The following FER variants were observed in gnomAD, a reference collection of about 807,000 sequenced individuals.
FER encodes tyrosine-protein kinase Fer.
Under a neutral mutation model 111.0 loss-of-function variants are expected in FER, and 63 were observed. The observed-to-expected ratio is 0.57, with a 90% confidence interval of 0.46 to 0.70. The LOEUF is 0.70. Among genes scored for constraint, FER ranks in the 30% least tolerant of loss-of-function variants. The probability of loss-of-function intolerance (pLI) is 0.00; values close to 1 mark genes in which losing one functional copy is unlikely to be tolerated. For synonymous variants in FER, 327 were observed against 313.9 expected (o/e 1.04, Z -0.44); for missense variants, 914 against 954.0 (o/e 0.96, Z 0.55).
intron 17 of FER, among the ~76,000 whole-genome samples, chr5:109,133,055 G>T (rs1752531170): frequency 6.6e-6 from 1 of 152,174 alleles, no homozygotes; most frequent in African/African-American, 2.4e-5. Flanking sequence ...GATGTTCATA[G>T]TATTTAAGTT....
chr5:108,803,649 T>G (rs2150058491), intron 3 of FER, among the ~76,000 whole-genome samples: 1 of 152,172 alleles, frequency 6.6e-6, no homozygotes, highest in South Asian at 2.1e-4. Context: ...TTTGCATTTT[T>G]TTTTTTTAAT....
intron 17 of FER, among the ~76,000 whole-genome samples, chr5:109,104,387 G>T (rs1222323825): frequency 6.6e-6 from 1 of 152,298 alleles, no homozygotes; most frequent in East Asian, 1.9e-4. Context: ...AATGCAAAGA[G>T]ATAGTCAATT....
chr5:108,897,656 T>C lies in FER; in HGVS notation c.1047-3T>C. 2.5e-6 allele frequency: 4 copies of C among 1,574,770 alleles called. No homozygotes were observed. Among genetic ancestry groups the C allele is most frequent in the Non-Finnish European group, 3.4e-6 (4 of 1,164,680 alleles). ...GAAATCATTTATATTTATTCTCTTT[T>C]AGTATTGTGCTTCTGCTAAGCCAAA... On this transcript the variant is annotated splice_polypyrimidine_tract_variant and splice_region_variant and intron_variant, in intron 9 of 19. Transcript: ENST00000281092.
intron 13 of FER, among the ~76,000 whole-genome samples, chr5:109,019,691 A>T (rs563902722): frequency 2.0e-5 from 3 of 151,906 alleles, no homozygotes; most frequent in South Asian, 2.1e-4. Flanking sequence ...AACAATTGTA[A>T]TAACTTTATA....
intron 11 of FER, among the ~76,000 whole-genome samples, chr5:108,954,010 AG>A (rs1758105302): frequency 6.6e-6 from 1 of 152,132 alleles, no homozygotes; most frequent in African/African-American, 2.4e-5. Flanking sequence ...ACTTGGTGTT[AG>A]CATTTGGCCT....
chr5:108,849,882 G>A (rs1487321218), intron 5 of FER, among the ~76,000 whole-genome samples: 2 of 152,090 alleles, frequency 1.3e-5, no homozygotes, highest in African/African-American at 4.8e-5. Flanking sequence ...TTTGTGAAAT[G>A]ATGGAAGTTT....
chr5:108,859,515 G>C (rs1003530595), intron 5 of FER, among the ~76,000 whole-genome samples: 6 of 152,246 alleles, frequency 3.9e-5, no homozygotes, highest in African/African-American at 1.2e-4. Context: ...TATGCTGAGG[G>C]TATGAGTTAT....
chr5:109,124,528 A>G (rs1751415546), intron 17 of FER, among the ~76,000 whole-genome samples: 1 of 152,152 alleles, frequency 6.6e-6, no homozygotes, highest in Non-Finnish European at 1.5e-5. Context: ...TTGAAGCATA[A>G]TATCTGCCAG....
At chr5:109,149,548 G>T (rs1192180296) in intron 17 of FER, among the ~76,000 whole-genome samples, 3 of 152,126 alleles carry the variant, frequency 2.0e-5, no homozygotes, top group Non-Finnish European at 2.9e-5. Flanking sequence ...ATCTAGTTTT[G>T]TATACCTACA....
intron 10 of FER, among the ~76,000 whole-genome samples, chr5:108,943,157 A>T (rs1483425246): frequency 6.6e-6 from 1 of 152,070 alleles, no homozygotes; most frequent in Admixed American, 6.6e-5. Context: ...GCGAACTGTG[A>T]CTAACTGCTC....
chr5:109,028,644 A>C (rs997344556), intron 13 of FER, among the ~76,000 whole-genome samples: 2 of 152,206 alleles, frequency 1.3e-5, no homozygotes, highest in Admixed American at 1.3e-4. Context: ...CCCCAAGTTC[A>C]GTGATCCACT....
intron 1 of FER, among the ~76,000 whole-genome samples, chr5:108,753,735 C>T (rs1231762367): frequency 6.6e-6 from 1 of 151,964 alleles, no homozygotes; most frequent in East Asian, 1.9e-4. Context: ...TACAGATATC[C>T]CTGTTTCAGA....
At chr5:108,836,107 A>G (rs921482788) in intron 5 of FER, among the ~76,000 whole-genome samples, 1 of 152,082 alleles carries the variant, frequency 6.6e-6, no homozygotes, top group African/African-American at 2.4e-5. Flanking sequence ...ATTTAATTAC[A>G]GAGTGCTTAA....
chr5:108,858,816 A>G (rs1173050233), intron 5 of FER, among the ~76,000 whole-genome samples: 1 of 103,052 alleles, frequency 9.7e-6, no homozygotes, highest in Non-Finnish European at 2.0e-5. Flanking sequence ...TCGTTTTTTC[A>G]TTCGTTTCAA....
chr5:109,164,354 G>T (rs902697104), intron 17 of FER, among the ~76,000 whole-genome samples: 3 of 152,140 alleles, frequency 2.0e-5, no homozygotes, highest in Non-Finnish European at 2.9e-5. Flanking sequence ...ATAGTCCAAG[G>T]TGGCCTCCAT....
intron 11 of FER, among the ~76,000 whole-genome samples, chr5:108,947,060 T>C (rs1010809067): frequency 1.3e-5 from 2 of 152,084 alleles, no homozygotes; most frequent in Non-Finnish European, 2.9e-5. Flanking sequence ...TACTCCATTG[T>C]ATATATTTAC....
chr5:108,798,853 T>G (rs1220630678), intron 3 of FER, among the ~76,000 whole-genome samples: 1 of 152,134 alleles, frequency 6.6e-6, no homozygotes, highest in Non-Finnish European at 1.5e-5. Context: ...TCCCTAATTT[T>G]TTGTGCCTCT....
chr5:108,769,505 T>C (rs1016303418), intron 2 of FER, among the ~76,000 whole-genome samples: 5 of 152,210 alleles, frequency 3.3e-5, no homozygotes, highest in African/African-American at 1.2e-4. Context: ...TATATCATTT[T>C]AACTGCTGTG....
chr5:109,007,564 A>G lies in FER; in HGVS notation c.1657-29858A>G, dbSNP rs548509272. ...CAATTTGACTTCTTTTATTTGGCAA[A>G]GTACAATTGGGATTCATCTGTATTG... On this transcript the variant is annotated intron_variant, in intron 13 of 19. Transcript: ENST00000281092. 5.9e-5 allele frequency among the ~76,000 whole-genome samples: 9 copies of G among 152,318 alleles called. No homozygotes were observed. The South Asian group carries it at 1.9e-3, about 32-fold the overall frequency.
Sources: gnomAD v4.1 joint callset for allele counts (sites outside exome capture counted in the v4.1 genomes callset) on GRCh38, gnomAD v4.1.1 for gene constraint, MANE v1.5 for transcripts, NCBI Gene and HGNC (gene_info 2026-07-23, HGNC 2026-07-21) for gene names.